Variants in SENP1 observed in about 807,000 individuals in gnomAD.
SENP1 encodes SUMO specific peptidase 1.
Under a neutral mutation model 93.0 loss-of-function variants are expected in SENP1, and 21 were observed. That is an observed-to-expected ratio of 0.23 (90% CI 0.16 to 0.33). The LOEUF is 0.33. Among genes scored for constraint, SENP1 ranks in the 10% least tolerant of loss-of-function variants. SENP1 has a pLI of 1.00. For synonymous variants in SENP1, 256 were observed against 259.6 expected, an observed-to-expected ratio of 0.99 and a Z score of 0.13; for missense variants, 591 against 758.7, an observed-to-expected ratio of 0.78 and a Z score of 2.60.
intron 8 of SENP1, 73 bp downstream of exon 8, chr12:48,074,251 T>C: frequency 8.4e-7 from 1 of 1,183,930 alleles, no homozygotes; most frequent in Non-Finnish European, 1.2e-6. Flanking sequence ...ATTACAATGT[T>C]GCCTGTAATG....
intron 4 of SENP1, among the ~76,000 whole-genome samples, chr12:48,089,618 G>A (rs912430381): frequency 3.9e-5 from 6 of 152,090 alleles, no homozygotes; most frequent in African/African-American, 1.2e-4. Flanking sequence ...CTTATTATTT[G>A]AATTTTCTAA....
rs775991696 is a variant in SENP1, at chr12:48,063,728, C to T, written c.1389G>A (p.Leu463=). 19 of 1,612,568 alleles carry T rather than the reference C, an allele frequency of 1.2e-5. No individual in the cohort carries two copies. Among genetic ancestry groups the T allele is most frequent in the East Asian group, 4.5e-5 (2 of 44,846 alleles). ...TRKDIQTLNH[L]NWLNDEIINF... ...ACATTACCTCATCATTGAGCCAATT[C>T]AGATGGTTTAGAGTTTGAATATCTT... is the stretch of plus-strand genomic sequence containing the variant. Residue 463 remains leucine, a synonymous_variant, in exon 13 of 18, where the codon CTG becomes CTA. Coordinates refer to ENST00000549518, the MANE Select transcript of SENP1 (RefSeq NM_001267594.2).
At chr12:48,047,472 C>A (rs914303852) in intron 15 of SENP1, among the ~76,000 whole-genome samples, 1 of 152,220 alleles carries the variant, frequency 6.6e-6, no homozygotes, top group Non-Finnish European at 1.5e-5. Context: ...GCTCTCCTAT[C>A]TAAAAATTAA....
chr12:48,057,941 CTTTTTTTTTTTTTT>C (rs370210767), intron 13 of SENP1, among the ~76,000 whole-genome samples: 1 of 85,684 alleles, frequency 1.2e-5, no homozygotes, highest in African/African-American at 4.9e-5. Context: ...TTTATTTCCT[CTTTTTTTTTTTTTT>C]TTTTTTTTTG....
At chr12:48,072,210 C>G (rs1290802941) in intron 8 of SENP1, among the ~76,000 whole-genome samples, 1 of 152,208 alleles carries the variant, frequency 6.6e-6, no homozygotes, top group Non-Finnish European at 1.5e-5. Context: ...CTATCCAGCT[C>G]TATTTCAGGC....
chr12:48,058,117 TG>T (rs1440807323), intron 13 of SENP1, among the ~76,000 whole-genome samples: 1 of 151,640 alleles, frequency 6.6e-6, no homozygotes, highest in Non-Finnish European at 1.5e-5. Flanking sequence ...GGCTAATTTT[TG>T]TATTTTTTGT....
At chr12:48,085,390 G>A in intron 5 of SENP1, 3 of 1,285,368 alleles carry the variant, frequency 2.3e-6, no homozygotes, top group Non-Finnish European at 3.3e-6. Context: ...CGGAGGGCCA[G>A]GGGCATGTTC....
rs768158385 is a variant in SENP1, at chr12:48,065,208, G to C, written c.1132C>G (p.Arg378Gly). The C allele has an allele frequency of 6.3e-7, 1 of 1,595,514 alleles. No homozygotes were observed. The highest frequency in any genetic ancestry group is 8.5e-7 in the Non-Finnish European group (1 of 1,169,994). The change falls in exon 12 of 18, where the codon CGG (arginine) becomes GGG (glycine). Residue 378 changes from arginine (R) to glycine (G), a missense_variant. Around this residue, in one of 4 missense-constraint regions of SENP1, gnomAD observed 238 missense variants for 259.1 expected, o/e 0.92. Coordinates refer to ENST00000549518, the MANE Select transcript of SENP1 (RefSeq NM_001267594.2). ...LQLQNQRLQE[R>G]EHSVHDSVEL... The stretch of plus-strand genomic sequence containing the variant: ...ACTGAATCATGTACTGAATGTTCCC[G>C]CTCCTGCAATCTCTGAAAGATAAAA...
intron 16 of SENP1, 125 bp downstream of exon 16, chr12:48,046,849 AAACC>A: frequency 3.2e-6 from 2 of 634,032 alleles, no homozygotes; most frequent in Non-Finnish European, 2.8e-6. Context: ...CCTCCCCCAG[AAACC>A]AACCAACCAA....
intron 13 of SENP1, among the ~76,000 whole-genome samples, chr12:48,056,352 AT>A (rs1480097976): frequency 2.3e-4 from 23 of 98,156 alleles, no homozygotes; most frequent in African/African-American, 8.3e-4. Context: ...ATTACATATA[AT>A]ATATTATTTA....
chr12:48,049,172 G>C, intron 13 of SENP1, 40 bp from the exon 14 acceptor site: 1 of 1,494,248 alleles, frequency 6.7e-7, no homozygotes, highest in South Asian at 1.2e-5. Flanking sequence ...AGACACTCAG[G>C]CCTAGCCTTT....
Position 48,046,996 on chromosome 12 carries a change from A to G in SENP1, c.1758T>C (p.Leu586=). Residue 586 remains leucine, a synonymous_variant, in exon 16 of 18, where the codon CTT becomes CTC. Transcript: ENST00000549518. ...AAGGTACCTGGCTTTTCTTGCTGAA[A>G]AGCTGCCAGCCATTGGTGTCAAACT... is the stretch of plus-strand genomic sequence containing the variant. ...RKEFDTNGWQ[L]FSKKSQEIPQ... The G allele has an allele frequency of 5.6e-6, 9 of 1,612,350 alleles. No individual in the cohort carries two copies. The highest frequency in any genetic ancestry group is 7.6e-6 in the Non-Finnish European group (9 of 1,178,642).
At chr12:48,048,305 C>A (rs1941529828) in intron 14 of SENP1, among the ~76,000 whole-genome samples, 1 of 152,178 alleles carries the variant, frequency 6.6e-6, no homozygotes, top group Non-Finnish European at 1.5e-5. Flanking sequence ...CCCATTATTG[C>A]TGTGAAGCCT....
In SENP1 at chr12:48,063,719, G is replaced by C; in HGVS notation, c.1398C>G (p.Leu466=). The C allele has an allele frequency of 6.2e-7, 1 of 1,611,490 alleles. No individual in the cohort carries two copies. The highest frequency in any genetic ancestry group is 8.5e-7 in the Non-Finnish European group (1 of 1,178,526). Reference sequence around the variant, plus strand: ...ATAGATGCAACATTACCTCATCATTGAGCCAATTCAGATGGTTTAGAGTTT... The same window carrying C: ...ATAGATGCAACATTACCTCATCATTCAGCCAATTCAGATGGTTTAGAGTTT... ...DIQTLNHLNW[L]NDEIINFYMN... Residue 466 remains leucine, a synonymous_variant, in exon 13 of 18, where the codon CTC becomes CTG. Coordinates refer to ENST00000549518, the MANE Select transcript of SENP1 (RefSeq NM_001267594.2).
chr12:48,055,988 A>C (rs1942243688), intron 13 of SENP1, among the ~76,000 whole-genome samples: 1 of 131,964 alleles, frequency 7.6e-6, no homozygotes, highest in Non-Finnish European at 1.5e-5. Context: ...AATACATGAT[A>C]TATATTATTT....
rs762108404 is a variant in SENP1 at position 48,083,761 on chromosome 12, C to A, written c.382G>T (p.Gly128Ter). Reference protein sequence around the residue: ...LYLETRKTSSGLSNSFAGKSN... With the variant: ...LYLETRKTSS ...TTTCCCGCAAAACTGTTTGATAATC[C>A]ACTAAAAAAAGAGTTTGTAAGAAAG... Residue 128 changes from glycine to a stop codon, truncating the protein, a stop_gained and splice_region_variant, in exon 6 of 18, where the codon GGA (glycine) becomes TGA (stop). Transcript: ENST00000549518. LOFTEE classifies it high-confidence loss of function. 2 of 1,590,628 alleles carry A rather than the reference C, an allele frequency of 1.3e-6. No individual in the cohort carries two copies. The highest frequency in any genetic ancestry group is 1.2e-5 in the South Asian group (1 of 85,850).
chr12:48,058,460 G>A (rs546137231), intron 13 of SENP1, among the ~76,000 whole-genome samples: 2 of 150,996 alleles, frequency 1.3e-5, no homozygotes, highest in South Asian at 4.2e-4. Context: ...GCTCCATTTT[G>A]CCTCCATTAT....
chr12:48,078,336 C>T (rs60185092), intron 6 of SENP1, among the ~76,000 whole-genome samples: 1,801 of 19,010 alleles, frequency 0.095, 43 homozygotes, highest in Middle Eastern at 0.14. Flanking sequence ...TATATATATA[C>T]ACACACATAT....
intron 2 of SENP1, among the ~76,000 whole-genome samples, chr12:48,099,830 T>A (rs141129721): frequency 6.6e-5 from 10 of 152,216 alleles, no homozygotes; most frequent in African/African-American, 2.4e-4. Context: ...ATAATCTGCC[T>A]GAACATTTTT....
Sources: gnomAD v4.1 joint callset for allele counts (sites outside exome capture counted in the v4.1 genomes callset) on GRCh38, gnomAD v4.1.1 for gene constraint, gnomAD v4.1.1 regional missense constraint, MANE v1.5 for transcripts, NCBI Gene and HGNC (gene_info 2026-07-23, HGNC 2026-07-21) for gene names.